The following DISC1 variants were observed in gnomAD, a reference collection of about 807,000 sequenced individuals.
DISC1 encodes the protein disrupted in schizophrenia 1 protein.
Under a neutral mutation model 84.5 loss-of-function variants are expected in DISC1, and 57 were observed. The observed-to-expected ratio is 0.67, with a 90% CI of 0.55 to 0.84. The LOEUF is 0.84. Among genes scored for constraint, DISC1 ranks in the 40% least tolerant of loss-of-function variants. The pLI, the probability that DISC1 is intolerant of heterozygous loss-of-function variation, is 0.00. For synonymous variants in DISC1, 411 were observed against 415.2 expected (o/e 0.99, Z 0.12); for missense variants, 1,000 against 1,057.8 (o/e 0.95, Z 0.76).
Position 231,893,171 on chromosome 1 carries a change from A to G in DISC1, c.1982-65657A>G, listed in dbSNP as rs139604783. Among the ~76,000 whole-genome samples the G allele has an allele frequency of 3.9e-4, 60 of 152,270 alleles. 2 individuals carry two copies. In the East Asian group the frequency reaches 0.012, roughly 29 times the overall value. ...CAGCAAGACCACCATCTCAAAAACA[A>G]AAACAAAAAACAATGTGGCATATTA... On this transcript the variant is annotated intron_variant, in intron 9 of 12. Coordinates refer to ENST00000439617, the MANE Select transcript of DISC1 (RefSeq NM_018662.3).
At chr1:231,989,940 C>T (rs932140622) in intron 10 of DISC1, among the ~76,000 whole-genome samples, 2 of 152,186 alleles carry the variant, frequency 1.3e-5, no homozygotes, top group Non-Finnish European at 2.9e-5. Flanking sequence ...CTGGCTTCTA[C>T]ACTACACTTC....
chr1:232,033,532 G>C (rs1333501771), intron 12 of DISC1, among the ~76,000 whole-genome samples: 1 of 152,196 alleles, frequency 6.6e-6, no homozygotes, highest in Non-Finnish European at 1.5e-5. Flanking sequence ...ACACAGCACA[G>C]CTGGACATAA....
chr1:231,636,949 C>T (rs191441267), intron 1 of DISC1, among the ~76,000 whole-genome samples: 1 of 152,264 alleles, frequency 6.6e-6, no homozygotes, highest in Non-Finnish European at 1.5e-5. Context: ...TGCTCTCCCT[C>T]CCCTTGACCC....
chr1:231,714,860 C>T (rs1229439822), intron 3 of DISC1, among the ~76,000 whole-genome samples: 1 of 152,186 alleles, frequency 6.6e-6, no homozygotes. Flanking sequence ...GTTACTTCCA[C>T]CACATGGATT....
intron 1 of DISC1, among the ~76,000 whole-genome samples, chr1:231,673,830 C>G (rs1290262618): frequency 6.6e-6 from 1 of 152,156 alleles, no homozygotes; most frequent in Non-Finnish European, 1.5e-5. Flanking sequence ...CAACAAACAT[C>G]ATTGAGTAAT....
chr1:231,896,928 A>T (rs1288937244), intron 9 of DISC1, among the ~76,000 whole-genome samples: 1 of 152,226 alleles, frequency 6.6e-6, no homozygotes, highest in Admixed American at 6.5e-5. Context: ...GACTGGCCTC[A>T]TGTCAGATTC....
intron 10 of DISC1, among the ~76,000 whole-genome samples, chr1:232,006,343 A>C (rs1667437516): frequency 6.6e-6 from 1 of 152,202 alleles, no homozygotes; most frequent in Admixed American, 6.5e-5. Flanking sequence ...CTTTGACCAA[A>C]ATGCTGATAG....
chr1:231,955,198 GCTT>G (rs1301012787), intron 9 of DISC1, among the ~76,000 whole-genome samples: 2 of 152,168 alleles, frequency 1.3e-5, no homozygotes, highest in Non-Finnish European at 2.9e-5. Context: ...ATCAGCAAGG[GCTT>G]CTTAAGTTAC....
At chr1:231,741,894 T>C (rs2073328711) in intron 3 of DISC1, among the ~76,000 whole-genome samples, 1 of 152,300 alleles carries the variant, frequency 6.6e-6, no homozygotes, top group Middle Eastern at 3.4e-3. Flanking sequence ...CTGGCTACCC[T>C]TAGGTCTTGC....
At chr1:231,842,557 C>G (rs896525423) in intron 9 of DISC1, among the ~76,000 whole-genome samples, 6 of 152,150 alleles carry the variant, frequency 3.9e-5, no homozygotes, top group Non-Finnish European at 7.3e-5. Context: ...TTATGACATC[C>G]CATGCAGCAA....
intron 1 of DISC1, among the ~76,000 whole-genome samples, chr1:231,650,556 TGAG>T (rs1462283258): frequency 2.0e-5 from 3 of 152,192 alleles, no homozygotes; most frequent in Non-Finnish European, 4.4e-5. Context: ...TTGCTCTTCT[TGAG>T]GAGTATCTTT....
chr1:231,861,093 A>G (rs371640227), intron 9 of DISC1, among the ~76,000 whole-genome samples: 3 of 152,216 alleles, frequency 2.0e-5, no homozygotes, highest in African/African-American at 7.2e-5. Context: ...ATGTCGGCAC[A>G]GGAAAGTCCT....
intron 9 of DISC1, among the ~76,000 whole-genome samples, chr1:231,923,916 G>A (rs955305748): frequency 6.6e-6 from 1 of 152,194 alleles, no homozygotes; most frequent in Non-Finnish European, 1.5e-5. Context: ...CAGAGGAGGC[G>A]TGATGGGAGC....
intron 8 of DISC1, among the ~76,000 whole-genome samples, chr1:231,801,911 T>C (rs2738865): frequency 0.97 from 147,333 of 151,300 alleles, 71,815 homozygotes; most frequent in East Asian, 1. Flanking sequence ...CTCTGCCTCC[T>C]GGGTTCATAC....
intron 9 of DISC1, among the ~76,000 whole-genome samples, chr1:231,952,689 GTTTATATATATATATATATATATA>G (rs1310773447): frequency 8.2e-6 from 1 of 121,746 alleles, no homozygotes; most frequent in Non-Finnish European, 1.6e-5. Flanking sequence ...ATATATATAT[GTTTATATATATATATATATATATA>G]TGTATATATA....
Position 231,685,782 on chromosome 1 carries a change from CA to C in DISC1, c.68-8043del, listed in dbSNP as rs528885489. On this transcript the variant is annotated intron_variant, in intron 1 of 12. Transcript: ENST00000439617. Reference sequence around the variant, plus strand: ...AAGGCACTTCTAACCCAAAAGTCCACAGTCCAAAGTCTCATCTGAGACAAGG... The same window carrying C: ...AAGGCACTTCTAACCCAAAAGTCCACGTCCAAAGTCTCATCTGAGACAAGG... Among the ~76,000 whole-genome samples the C allele has an allele frequency of 8.5e-5, 13 of 152,320 alleles. No homozygotes were observed. In the East Asian group the frequency reaches 2.5e-3, roughly 29 times the overall value.
chr1:231,657,329 C>T (rs2061187677), intron 1 of DISC1, among the ~76,000 whole-genome samples: 1 of 152,206 alleles, frequency 6.6e-6, no homozygotes, highest in African/African-American at 2.4e-5. Context: ...GCCATTCTGA[C>T]TGGTGTTAGA....
At chr1:231,702,704 A>G in intron 3 of DISC1, 1 of 609,546 alleles carries the variant, frequency 1.6e-6, no homozygotes, top group Non-Finnish European at 2.1e-6. Context: ...GGCTGCAAGC[A>G]GATGAGGGCT....
intron 9 of DISC1, among the ~76,000 whole-genome samples, chr1:231,946,497 C>G (rs565412137): frequency 6.6e-6 from 1 of 152,114 alleles, no homozygotes; most frequent in Admixed American, 6.5e-5. Flanking sequence ...AAACCCACAG[C>G]CAATATTATA....
Sources: gnomAD v4.1 joint callset for allele counts (sites outside exome capture counted in the v4.1 genomes callset) on GRCh38, gnomAD v4.1.1 for gene constraint, MANE v1.5 for transcripts, NCBI Gene and HGNC (gene_info 2026-07-23, HGNC 2026-07-21) for gene names.